FYCO1: variants seen among roughly 807,000 people sequenced by gnomAD.
The protein encoded by FYCO1 is FYVE and coiled-coil domain-containing protein 1.
A neutral mutation model predicts 165.1 loss-of-function variants in FYCO1; 122 were observed. The observed-to-expected ratio is 0.74, with a 90% confidence interval of 0.64 to 0.86. The LOEUF (loss-of-function observed/expected upper bound fraction) is 0.86, where lower values mean the gene tolerates loss of function less well. FYCO1 is among the 40% of genes least tolerant of loss of function. FYCO1 has a pLI of 0.00. For synonymous variants in FYCO1, 648 were observed against 742.5 expected (o/e 0.87, Z 2.07); for missense variants, 1,702 against 1,810.3 (o/e 0.94, Z 1.09).
At chr3:45,922,565 G>C (rs1157339485) in intron 17 of FYCO1, among the ~76,000 whole-genome samples, 1 of 152,200 alleles carries the variant, frequency 6.6e-6, no homozygotes, top group African/African-American at 2.4e-5. Flanking sequence ...TGGGGTAGAG[G>C]GTGGCTCCAA....
At chr3:45,947,087 G>A in intron 14 of FYCO1, 1 of 1,614,180 alleles carries the variant, frequency 6.2e-7, no homozygotes, top group Admixed American at 1.7e-5. Context: ...GGTTCTTCTT[G>A]CCACTGCTCA....
chr3:45,927,935 T>C (rs1703400025), intron 16 of FYCO1, among the ~76,000 whole-genome samples: 1 of 152,266 alleles, frequency 6.6e-6, no homozygotes, highest in South Asian at 2.1e-4. Context: ...TTAACATAGA[T>C]TAATGTGCGT....
chr3:45,975,056 C>T lies in FYCO1; in HGVS notation c.395+183G>A, dbSNP rs140873519. On this transcript the variant is annotated intron_variant, in intron 5 of 17. Transcript: ENST00000296137. The stretch of plus-strand genomic sequence containing the variant: ...ACTTACCTATAAAAACACAGTGCTA[C>T]TTGCCCACATGTGTCAAGGACTTTG... Among the ~76,000 whole-genome samples the T allele has an allele frequency of 2.5e-3, 386 of 152,154 alleles. 2 individuals carry two copies. The highest frequency in any genetic ancestry group is 9.0e-3 in the African/African-American group (373 of 41,418).
intron 14 of FYCO1, among the ~76,000 whole-genome samples, chr3:45,939,524 A>G (rs1326243939): frequency 2.6e-5 from 4 of 152,130 alleles, no homozygotes; most frequent in East Asian, 1.9e-4. Context: ...TAATTACTGC[A>G]CAACTTTAAT....
At position 45,966,172 on chromosome 3, in the gene FYCO1, T is replaced by C. The variant is rs1018867983; in HGVS notation, c.3057+105A>G. The C allele has an allele frequency of 2.5e-6, 3 of 1,208,518 alleles. No homozygotes were observed. In the African/African-American group the frequency reaches 4.4e-5, roughly 18 times the overall value. 74.9% of individuals were successfully genotyped at this position (1,208,518 alleles called of 1,614,324 possible). A position where few individuals can be genotyped will look rare whatever the true frequency, so the allele number is the denominator to read the frequency against. On this transcript the variant is annotated intron_variant, in intron 8 of 17. Transcript: ENST00000296137. Reference sequence around the variant, plus strand: ...GTGTTTGCCTGCACCCACAGTACATTCTCCAGCCCTCACCTGCCTCATGGC... The same window carrying C: ...GTGTTTGCCTGCACCCACAGTACATCCTCCAGCCCTCACCTGCCTCATGGC...
At chr3:45,922,900 A>G (rs1001559218) in intron 17 of FYCO1, among the ~76,000 whole-genome samples, 3 of 152,186 alleles carry the variant, frequency 2.0e-5, no homozygotes, top group Non-Finnish European at 4.4e-5. Context: ...AGTTCTCTCT[A>G]AAGAGCTGGT....
intron 1 of FYCO1, among the ~76,000 whole-genome samples, chr3:45,989,875 C>A (rs933192450): frequency 2.6e-5 from 4 of 152,098 alleles, no homozygotes; most frequent in African/African-American, 7.2e-5. Flanking sequence ...GTGAGGTGGG[C>A]AGTTGCTCAA....
intron 6 of FYCO1, among the ~76,000 whole-genome samples, chr3:45,971,613 A>C (rs944647618): frequency 2.6e-5 from 4 of 152,226 alleles, no homozygotes; most frequent in Admixed American, 6.5e-5. Flanking sequence ...CACTTAACCT[A>C]AATCCAATAA....
chr3:45,981,341 G>A lies in FYCO1; in HGVS notation c.162+229C>T, dbSNP rs36122610. On this transcript the variant is annotated intron_variant, in intron 3 of 17. Coordinates refer to ENST00000296137, the MANE Select transcript of FYCO1 (RefSeq NM_024513.4). ...CCTTACAATGACCTAAATCTCTAAAGGATGTTCTTGATTCTCAAAGCCATC... is the reference window on the plus strand; with the variant it reads ...CCTTACAATGACCTAAATCTCTAAAAGATGTTCTTGATTCTCAAAGCCATC... 0.089 allele frequency among the ~76,000 whole-genome samples: 13,480 copies of A among 152,240 alleles called. 982 individuals carry two copies. Among genetic ancestry groups the A allele is most frequent in the South Asian group, 0.34 (1,641 of 4,814 alleles).
intron 1 of FYCO1, among the ~76,000 whole-genome samples, chr3:45,986,010 T>C (rs1036898778): frequency 6.6e-6 from 1 of 152,262 alleles, no homozygotes; most frequent in Non-Finnish European, 1.5e-5. Flanking sequence ...AGGGCTCTGT[T>C]ACGTGCTTTA....
In FYCO1 at chr3:45,919,664, G is replaced by A. The variant is rs1337639146; in HGVS notation, c.*2101C>T. On this transcript the variant is annotated 3_prime_UTR_variant, in exon 18 of 18. Coordinates refer to ENST00000296137, the MANE Select transcript of FYCO1 (RefSeq NM_024513.4). ...ATATGGTGCCAGTGACACTTCAGAA[G>A]GTCATCAGCTTGGCCAGAGTCTCCG... 1 of 152,226 alleles carries A rather than the reference G, an allele frequency of 6.6e-6. No individual in the cohort carries two copies. The highest frequency in any genetic ancestry group is 1.9e-4 in the East Asian group (1 of 5,200). 9.4% of individuals were successfully genotyped at this position (152,226 alleles called of 1,614,324 possible).
intron 16 of FYCO1, among the ~76,000 whole-genome samples, chr3:45,924,207 A>G (rs1703217552): frequency 6.6e-6 from 1 of 152,088 alleles, no homozygotes; most frequent in Non-Finnish European, 1.5e-5. Context: ...CCAGGCACAA[A>G]GCTGCTGGGC....
chr3:45,934,650 C>T (rs919023601), intron 15 of FYCO1, among the ~76,000 whole-genome samples: 7 of 152,198 alleles, frequency 4.6e-5, no homozygotes, highest in African/African-American at 1.7e-4. Flanking sequence ...GAAAGTCAAT[C>T]AATGCAATCC....
At chr3:45,994,918 C>T (rs1485171882) in intron 1 of FYCO1, among the ~76,000 whole-genome samples, 2 of 152,048 alleles carry the variant, frequency 1.3e-5, no homozygotes, top group African/African-American at 2.4e-5. Context: ...GAGAGGACAC[C>T]CAATGGGAAC....
Position 45,962,913 on chromosome 3 carries a change from AG to A in FYCO1, c.3270-522del, listed in dbSNP as rs960466648. 2.0e-5 allele frequency among the ~76,000 whole-genome samples: 3 copies of A among 152,156 alleles called. No homozygotes were observed. Among genetic ancestry groups the A allele is most frequent in the Non-Finnish European group, 2.9e-5 (2 of 68,032 alleles). ...GCTGTTCTACCTGATAGCCCCCCTG[AG>A]GCCCAGGGAATTCCGTTTTGGGTGC... On this transcript the variant is annotated intron_variant, in intron 10 of 17. Transcript: ENST00000296137. This position sits in a 1 kb window ranked among gnomAD's most constrained non-coding sequence, Gnocchi z 4.4.
chr3:45,952,640 AC>A (rs1420325071), intron 14 of FYCO1, among the ~76,000 whole-genome samples: 1 of 151,992 alleles, frequency 6.6e-6, no homozygotes, highest in African/African-American at 2.4e-5. Flanking sequence ...CCAAGACCAA[AC>A]CACACATATT....
intron 1 of FYCO1, among the ~76,000 whole-genome samples, chr3:45,992,503 G>A (rs1362220311): frequency 6.6e-6 from 1 of 152,214 alleles, no homozygotes; most frequent in East Asian, 1.9e-4. Context: ...TTTCCATTAT[G>A]TATTATGCAA....
intron 15 of FYCO1, 40 bp from the exon 16 acceptor site, chr3:45,931,321 A>T: frequency 6.3e-7 from 1 of 1,595,834 alleles, no homozygotes; most frequent in African/African-American, 1.3e-5. Context: ...TTGACTGGGC[A>T]AAGTGTTTGT....
chr3:45,972,807 TAAC>T (rs571898746), intron 6 of FYCO1, among the ~76,000 whole-genome samples: 85 of 152,316 alleles, frequency 5.6e-4, no homozygotes, highest in Admixed American at 1.0e-3. Context: ...CCAATGCCCG[TAAC>T]AACAAGTGCC....
Sources: allele counts gnomAD v4.1 joint callset (sites outside exome capture counted in the v4.1 genomes callset), GRCh38; gene constraint gnomAD v4.1.1; non-coding constraint Gnocchi (gnomAD v3.1); transcripts MANE v1.5; gene names NCBI Gene and HGNC (gene_info 2026-07-23, HGNC 2026-07-21).